The following DLC1 variants were observed in gnomAD, a reference collection of about 807,000 sequenced individuals.
The protein encoded by DLC1 is rho GTPase-activating protein 7.
DLC1 carries 54 observed loss-of-function variants against 140.3 expected under a neutral mutation model. The observed-to-expected ratio is 0.38, with a 90% CI of 0.31 to 0.48. The LOEUF (loss-of-function observed/expected upper bound fraction) is 0.48. DLC1 is among the 20% of genes least tolerant of loss of function. The pLI, the probability that DLC1 is intolerant of heterozygous loss-of-function variation, is 0.96. For missense variants in DLC1, 2,536 were observed against 1,907.0 expected (o/e 1.33, Z -6.14); for synonymous variants, 986 against 728.1 (o/e 1.35, Z -5.70).
Position 13,500,010 on chromosome 8 carries a change from G to C in DLC1, c.62C>G (p.Pro21Arg), listed in dbSNP as rs1281946229. ...TGTGTTACGATCATCAGAATTAAAA[G>C]GCTGTCCCATCCAGTGGGTCACATG... Reference protein sequence around the residue: ...EEHVTHWMGQPFNSDDRNTAC... With the variant: ...EEHVTHWMGQRFNSDDRNTAC... The change falls in exon 2 of 18, where the codon CCT (proline) becomes CGT (arginine). Residue 21 changes from proline (P) to arginine (R), a missense_variant. Transcript: ENST00000276297. 6.2e-6 allele frequency: 10 copies of C among 1,613,934 alleles called. No individual in the cohort carries two copies. The highest frequency in any genetic ancestry group is 1.7e-5 in the Admixed American group (1 of 59,988).
chr8:13,095,405 G>T, intron 10 of DLC1, 160 bp from the exon 11 acceptor site: 1 of 856,482 alleles, frequency 1.2e-6, no homozygotes, highest in Non-Finnish European at 1.8e-6. Flanking sequence ...CAGTTCCCCA[G>T]TGGTACTGGC....
intron 1 of DLC1, among the ~76,000 whole-genome samples, chr8:13,572,154 AT>A (rs1804680039): frequency 6.7e-6 from 1 of 149,826 alleles, no homozygotes; most frequent in African/African-American, 2.5e-5. Context: ...CAGTGGCACG[AT>A]CTCGCCTCAC....
chr8:13,427,492 A>G (rs1200321184), intron 2 of DLC1, among the ~76,000 whole-genome samples: 2 of 152,184 alleles, frequency 1.3e-5, no homozygotes, highest in Non-Finnish European at 2.9e-5. Context: ...ATAGATGAAG[A>G]TTTAAAAGCA....
chr8:13,500,143 G>T lies in DLC1; in HGVS notation c.-72C>A. The T allele has an allele frequency of 7.5e-7, 1 of 1,332,928 alleles. No homozygotes were observed. The highest frequency in any genetic ancestry group is 1.0e-6 in the Non-Finnish European group (1 of 973,978). The allele number at this position is 1,332,928 out of a possible 1,614,324, so 82.6% of individuals were successfully genotyped here. ...GTAAAGGAGATGGAACTTGATGAAA[G>T]ATTATTTCAAAATCACCAATCAAAG... On this transcript the variant is annotated 5_prime_UTR_variant, in exon 2 of 18. Coordinates refer to ENST00000276297, the MANE Select transcript of DLC1 (RefSeq NM_182643.3).
At chr8:13,437,053 G>A (rs2116900334) in intron 2 of DLC1, among the ~76,000 whole-genome samples, 1 of 152,278 alleles carries the variant, frequency 6.6e-6, no homozygotes, top group Non-Finnish European at 1.5e-5. Flanking sequence ...CTCTCAAATA[G>A]TTTCTAAAAT....
chr8:13,570,655 A>G (rs1051611564), intron 1 of DLC1, among the ~76,000 whole-genome samples: 1 of 151,354 alleles, frequency 6.6e-6, no homozygotes, highest in Non-Finnish European at 1.5e-5. Context: ...ATAGTATTCC[A>G]TGGTGTATAT....
intron 2 of DLC1, among the ~76,000 whole-genome samples, chr8:13,459,029 A>T (rs890413510): frequency 2.2e-4 from 33 of 152,206 alleles, no homozygotes; most frequent in African/African-American, 7.7e-4. Context: ...ACATCAATCT[A>T]TTTCTTGCAT....
chr8:13,474,130 T>G (rs1290033308), intron 2 of DLC1, among the ~76,000 whole-genome samples: 3 of 152,136 alleles, frequency 2.0e-5, no homozygotes, highest in East Asian at 3.9e-4. Context: ...AATGGTTTTG[T>G]GGGCCAGGCC....
At chr8:13,522,982 T>C (rs1326007516) in intron 1 of DLC1, among the ~76,000 whole-genome samples, 2 of 151,936 alleles carry the variant, frequency 1.3e-5, no homozygotes, top group South Asian at 2.1e-4. Flanking sequence ...GTGGCTAAAA[T>C]GGAAGGAGAG....
At chr8:13,198,689 C>G (rs990366349) in intron 5 of DLC1, among the ~76,000 whole-genome samples, 1 of 150,710 alleles carries the variant, frequency 6.6e-6, no homozygotes, top group Non-Finnish European at 1.5e-5. Context: ...TAACCCTCAA[C>G]CTACAGATAA....
chr8:13,211,402 C>T lies in DLC1; in HGVS notation c.1348+93867G>A, dbSNP rs575869495. On this transcript the variant is annotated intron_variant, in intron 5 of 17. Transcript: ENST00000276297. ...GTAGCCCTGCTCTGTCTATGGAACA[C>T]CGTTTTGCTGTACACTGTTGCTCTA... Among the ~76,000 whole-genome samples the T allele has an allele frequency of 3.9e-5, 6 of 152,252 alleles. No homozygotes were observed. The South Asian group carries it at 8.3e-4, about 21-fold the overall frequency.
rs1310059290 is a variant in DLC1 at position 13,356,101 on chromosome 8, A to AG, written c.1314+37451_1314+37452insC. Among the ~76,000 whole-genome samples the AG allele has an allele frequency of 1.3e-4, 19 of 150,830 alleles. No individual in the cohort carries two copies. The East Asian group carries it at 3.7e-3, about 29-fold the overall frequency. On this transcript the variant is annotated intron_variant, in intron 4 of 17. Coordinates refer to ENST00000276297, the MANE Select transcript of DLC1 (RefSeq NM_182643.3). ...CAAGACTCCATCTCAAAAAAAAAAA[A>AG]AAAAAAAAAAAAATCTTATTTTTTA... is the stretch of plus-strand genomic sequence containing the variant.
At chr8:13,466,549 G>T (rs558633785) in intron 2 of DLC1, among the ~76,000 whole-genome samples, 26 of 152,232 alleles carry the variant, frequency 1.7e-4, no homozygotes, top group Admixed American at 7.9e-4. Context: ...CTGGTCACAG[G>T]TCAGATACTT....
chr8:13,167,335 T>C (rs1825173648), intron 5 of DLC1, among the ~76,000 whole-genome samples: 1 of 152,168 alleles, frequency 6.6e-6, no homozygotes, highest in Non-Finnish European at 1.5e-5. Flanking sequence ...TTAATCTTCA[T>C]ATGAGGGGTT....
chr8:13,394,405 T>C (rs747403351), intron 3 of DLC1, among the ~76,000 whole-genome samples: 1 of 152,234 alleles, frequency 6.6e-6, no homozygotes, highest in Non-Finnish European at 1.5e-5. Flanking sequence ...ATTATTATTA[T>C]GTTTTCTTAG....
intron 5 of DLC1, among the ~76,000 whole-genome samples, chr8:13,159,416 G>A (rs912107153): frequency 3.2e-4 from 48 of 152,286 alleles, no homozygotes; most frequent in African/African-American, 1.1e-3. Context: ...TCAAAGGATC[G>A]GGAGACAGCT....
intron 1 of DLC1, among the ~76,000 whole-genome samples, chr8:13,508,417 C>CTT (rs1310942702): frequency 1.8e-5 from 1 of 55,992 alleles, no homozygotes; most frequent in Non-Finnish European, 6.4e-5. Flanking sequence ...GTAGTAACTT[C>CTT]TTTTTCTTTT....
At chr8:13,478,348 G>A (rs1384324821) in intron 2 of DLC1, among the ~76,000 whole-genome samples, 1 of 152,138 alleles carries the variant, frequency 6.6e-6, no homozygotes, top group East Asian at 1.9e-4. Context: ...CCAAGCCTGA[G>A]GGATCCATTC....
chr8:13,172,800 C>G (rs1023476431), intron 5 of DLC1, among the ~76,000 whole-genome samples: 2 of 152,160 alleles, frequency 1.3e-5, no homozygotes, highest in South Asian at 2.1e-4. Flanking sequence ...AAGTGGGAAT[C>G]AGCTCTCAAA....
Sources: gnomAD v4.1 joint callset for allele counts (sites outside exome capture counted in the v4.1 genomes callset) on GRCh38, gnomAD v4.1.1 for gene constraint, MANE v1.5 for transcripts, NCBI Gene and HGNC (gene_info 2026-07-23, HGNC 2026-07-21) for gene names.